The following PLEKHA5 variants were observed in gnomAD, a reference collection of about 807,000 sequenced individuals.
PLEKHA5 encodes pleckstrin homology domain containing A5.
PLEKHA5 carries 55 observed loss-of-function variants against 181.9 expected under a neutral mutation model. The ratio of observed to expected loss-of-function variants is 0.30; its 90% CI spans 0.24 to 0.38. The LOEUF (loss-of-function observed/expected upper bound fraction) is 0.38, where lower values mean the gene tolerates loss of function less well. Among genes scored for constraint, PLEKHA5 ranks in the 10% least tolerant of loss-of-function variants. The pLI is 1.00. For synonymous variants in PLEKHA5, 535 were observed against 529.4 expected, an observed-to-expected ratio of 1.01 and a Z score of -0.15; for missense variants, 1,432 against 1,549.5, an observed-to-expected ratio of 0.92 and a Z score of 1.27.
chr12:19,372,589 T>C (rs2095611060), intron 31 of PLEKHA5: 1 of 152,020 alleles, frequency 6.6e-6, no homozygotes, highest in Non-Finnish European at 1.5e-5. Context: ...TGTCTTTTCA[T>C]ATTTGTAACT....
At chr12:19,166,893 C>G (rs1013984590) in intron 3 of PLEKHA5, among the ~76,000 whole-genome samples, 1 of 152,150 alleles carries the variant, frequency 6.6e-6, no homozygotes, top group Non-Finnish European at 1.5e-5. Context: ...ATTAAGTTAT[C>G]AAATTCCAAA....
chr12:19,333,342 G>A (rs1048291807), intron 20 of PLEKHA5, among the ~76,000 whole-genome samples: 2 of 151,878 alleles, frequency 1.3e-5, no homozygotes, highest in Non-Finnish European at 2.9e-5. Flanking sequence ...CACTTTGGGA[G>A]GCTGAGGCAG....
At chr12:19,252,013 T>A (rs2065462449) in intron 3 of PLEKHA5, among the ~76,000 whole-genome samples, 1 of 152,172 alleles carries the variant, frequency 6.6e-6, no homozygotes, top group Admixed American at 6.5e-5. Context: ...TATTAACAGA[T>A]GGCTCTATGT....
intron 3 of PLEKHA5, chr12:19,147,270 A>G (rs2039158537): frequency 6.6e-6 from 1 of 152,146 alleles, no homozygotes; most frequent in Admixed American, 6.5e-5. Flanking sequence ...TCTTTTTTCT[A>G]TTTAAGAAAG....
intron 21 of PLEKHA5, among the ~76,000 whole-genome samples, chr12:19,340,472 A>G (rs1245285692): frequency 7.2e-6 from 1 of 139,162 alleles, no homozygotes. Context: ...CTCATTGAGA[A>G]CGGGCCATGA....
chr12:19,150,486 C>T (rs1255396419), intron 3 of PLEKHA5: 1 of 152,194 alleles, frequency 6.6e-6, no homozygotes, highest in Non-Finnish European at 1.5e-5. Context: ...GGTTAAAATT[C>T]TTATTCACTT....
intron 13 of PLEKHA5, chr12:19,288,169 A>G (rs1271206114): frequency 8.0e-6 from 2 of 248,800 alleles, no homozygotes; most frequent in Admixed American, 4.8e-5. Context: ...AAGTTGCAGT[A>G]ATTCATTAGT....
At chr12:19,333,055 C>T (rs775939169) in intron 20 of PLEKHA5, among the ~76,000 whole-genome samples, 3 of 152,144 alleles carry the variant, frequency 2.0e-5, no homozygotes, top group African/African-American at 4.8e-5. Flanking sequence ...TCCATTCAGG[C>T]GGGCAGATCA....
At chr12:19,161,828 G>A (rs901807462) in intron 3 of PLEKHA5, among the ~76,000 whole-genome samples, 5 of 152,254 alleles carry the variant, frequency 3.3e-5, no homozygotes, top group African/African-American at 9.6e-5. Context: ...TTACTATAAC[G>A]TACGTGTTCT....
chr12:19,178,156 C>T (rs2047737705), intron 3 of PLEKHA5, among the ~76,000 whole-genome samples: 1 of 152,152 alleles, frequency 6.6e-6, no homozygotes, highest in African/African-American at 2.4e-5. Flanking sequence ...CAGTGTGCTG[C>T]CCAAGTATTG....
In PLEKHA5 at chr12:19,181,649, G is replaced by A. The variant is rs11044445; in HGVS notation, c.227+49199G>A. Among the ~76,000 whole-genome samples the A allele has an allele frequency of 2.8e-4, 43 of 152,116 alleles. 1 individual carries two copies. In the East Asian group the frequency reaches 5.6e-3, roughly 20 times the overall value. ...AAATTAGCCGGGTGTGGTTGCAGGCGCCTGTAATCCCAGCTGCTCGGGAGG... is the reference window on the plus strand; with the variant it reads ...AAATTAGCCGGGTGTGGTTGCAGGCACCTGTAATCCCAGCTGCTCGGGAGG... On this transcript the variant is annotated intron_variant, in intron 3 of 31. Transcript: ENST00000429027.
At chr12:19,133,641 A>G (rs2034690319) in intron 3 of PLEKHA5, among the ~76,000 whole-genome samples, 3 of 152,028 alleles carry the variant, frequency 2.0e-5, no homozygotes. Flanking sequence ...AAAGATACTT[A>G]GATAAAACGT....
chr12:19,339,645 A>G (rs1025737853), intron 21 of PLEKHA5, among the ~76,000 whole-genome samples: 3 of 152,144 alleles, frequency 2.0e-5, no homozygotes, highest in African/African-American at 7.2e-5. Context: ...AAATGGCTCT[A>G]ATATTTTTAA....
chr12:19,178,339 C>T, intron 3 of PLEKHA5, among the ~76,000 whole-genome samples: 1 of 152,166 alleles, frequency 6.6e-6, no homozygotes, highest in East Asian at 1.9e-4. Context: ...ATCGCTGAAA[C>T]ATCAAACTGA....
In PLEKHA5 at chr12:19,163,506, C is replaced by T. The variant is rs557169806; in HGVS notation, c.227+31056C>T. 5.9e-5 allele frequency among the ~76,000 whole-genome samples: 9 copies of T among 152,196 alleles called. No homozygotes were observed. In the South Asian group the frequency reaches 1.9e-3, roughly 32 times the overall value. ...TGAATTCACTTTCATTTGCTCTTTT[C>T]CGCCATACTGTGGAGGCCCTGAGAG... On this transcript the variant is annotated intron_variant, in intron 3 of 31. Transcript: ENST00000429027.
chr12:19,226,665 A>G (rs1327985221), intron 3 of PLEKHA5, among the ~76,000 whole-genome samples: 1 of 152,156 alleles, frequency 6.6e-6, no homozygotes, highest in African/African-American at 2.4e-5. Flanking sequence ...ATTGTTATGA[A>G]ATTTTTCAAA....
Position 19,358,076 on chromosome 12 carries a change from G to T in PLEKHA5, c.3139-152G>T, listed in dbSNP as rs766967655. On this transcript the variant is annotated intron_variant, in intron 26 of 31. Transcript: ENST00000429027. Reference sequence around the variant, plus strand: ...GTTAAGGATCAAATAGCAATTTCATGTGCCTTTCTGGTGATATCTAAATGA... The same window carrying T: ...GTTAAGGATCAAATAGCAATTTCATTTGCCTTTCTGGTGATATCTAAATGA... The T allele has an allele frequency of 8.2e-5, 50 of 608,726 alleles. 1 individual carries two copies. Among genetic ancestry groups the T allele is most frequent in the Non-Finnish European group, 1.0e-4 (35 of 349,088 alleles). The allele number at this position is 608,726 out of a possible 1,614,324, so 37.7% of individuals were successfully genotyped here.
intron 3 of PLEKHA5, among the ~76,000 whole-genome samples, chr12:19,231,069 A>G (rs1162974961): frequency 6.6e-6 from 1 of 152,110 alleles, no homozygotes; most frequent in Non-Finnish European, 1.5e-5. Flanking sequence ...GTTTTTTTTA[A>G]AACATGGGTA....
At chr12:19,213,440 C>G (rs1049588338) in intron 3 of PLEKHA5, among the ~76,000 whole-genome samples, 12 of 152,056 alleles carry the variant, frequency 7.9e-5, no homozygotes, top group African/African-American at 2.7e-4. Context: ...ATGTGAGGTG[C>G]TTGGGGGCAG....
Sources: allele counts gnomAD v4.1 joint callset (sites outside exome capture counted in the v4.1 genomes callset), GRCh38; gene constraint gnomAD v4.1.1; transcripts MANE v1.5; gene names NCBI Gene and HGNC (gene_info 2026-07-23, HGNC 2026-07-21).